Variants in CDC73 observed in about 807,000 individuals in gnomAD.
CDC73 encodes parafibromin.
A neutral mutation model predicts 83.7 loss-of-function variants in CDC73; 21 were observed. That is an observed-to-expected ratio of 0.25 (90% confidence interval 0.18 to 0.36). CDC73 has a LOEUF of 0.36. Among genes scored for constraint, CDC73 ranks in the 10% least tolerant of loss-of-function variants. The probability of loss-of-function intolerance (pLI) is 1.00; values close to 1 mark genes in which losing one functional copy is unlikely to be tolerated. For missense variants in CDC73, 342 were observed against 653.3 expected (o/e 0.52, Z 5.19); for synonymous variants, 224 against 212.9 (o/e 1.05, Z -0.45).
chr1:193,246,821 A>G (rs1434926569), intron 15 of CDC73, among the ~76,000 whole-genome samples: 1 of 152,156 alleles, frequency 6.6e-6, no homozygotes. Context: ...ATGGCCTGCA[A>G]GCCTAACATT....
Position 193,233,149 on chromosome 1 carries a change from A to T in CDC73, c.1311A>T (p.Gln437His). 6.2e-7 allele frequency: 1 copy of T among 1,610,224 alleles called. No homozygotes were observed. The highest frequency in any genetic ancestry group is 8.5e-7 in the Non-Finnish European group (1 of 1,176,702). ...ACCAGCCCCTTAAACTTATGCCTCA[A>T]GACTGGTAAGATAGTCTCTATATAT... is the stretch of plus-strand genomic sequence containing the variant. Reference protein sequence around the residue: ...VVDQPLKLMPQDWDRVVAVFV... With the variant: ...VVDQPLKLMPHDWDRVVAVFV... Residue 437 changes from glutamine to histidine, a missense_variant, in exon 14 of 17, where the codon CAA (glutamine) becomes CAT (histidine). By Grantham distance (24) the Gln-to-His change is conservative (BLOSUM62 0). Around this residue, in one of 3 missense-constraint regions of CDC73, gnomAD observed 239 missense variants for 420.6 expected, o/e 0.57. Transcript: ENST00000367435.
At chr1:193,169,634 T>A (rs1446217983) in intron 10 of CDC73, among the ~76,000 whole-genome samples, 2 of 152,248 alleles carry the variant, frequency 1.3e-5, no homozygotes, top group Non-Finnish European at 2.9e-5. Flanking sequence ...CTTTCCTGTT[T>A]ATCTTATGAG....
rs567173788 is a variant in CDC73 at position 193,177,447 on chromosome 1, G to A, written c.972+25003G>A. Among the ~76,000 whole-genome samples, 276 of 149,364 alleles carry A rather than the reference G, an allele frequency of 1.8e-3. 2 individuals are homozygous for A. The highest frequency in any genetic ancestry group is 6.4e-3 in the African/African-American group (262 of 40,710). ...CGGGAGGCTGAGGCAGGAGAATGGC[G>A]TGAACCCGGGAGGCGGAGCTTGCAG... On this transcript the variant is annotated intron_variant, in intron 10 of 16. Coordinates refer to ENST00000367435, the MANE Select transcript of CDC73 (RefSeq NM_024529.5).
intron 15 of CDC73, among the ~76,000 whole-genome samples, chr1:193,238,997 C>T (rs543496495): frequency 3.3e-5 from 5 of 152,266 alleles, no homozygotes; most frequent in African/African-American, 9.6e-5. Flanking sequence ...CCCTATTTCT[C>T]TTCTCCCATA....
Position 193,212,118 on chromosome 1 carries a change from AT to A in CDC73, c.1066+22del, listed in dbSNP as rs1290976394. 6.4e-7 allele frequency: 1 copy of A among 1,565,562 alleles called. No individual in the cohort carries two copies. Among genetic ancestry groups the A allele is most frequent in the Non-Finnish European group, 8.7e-7 (1 of 1,147,748 alleles). On this transcript the variant is annotated intron_variant, in intron 12 of 16. Transcript: ENST00000367435. ...GAAGAAAGGTGAGGTTGTGCATATG[AT>A]TTTAAACTTAACTTTAAAAAGTAAA...
rs556687284 is a variant in CDC73 at position 193,251,095 on chromosome 1, A to G, written c.*383A>G. On this transcript the variant is annotated 3_prime_UTR_variant, in exon 17 of 17. Transcript: ENST00000367435. ...TATAATTCTTTTTACTGAAAATACT[A>G]TGTTATGAATGGTATTAAATTTTAG... 2.5e-4 allele frequency: 69 copies of G among 274,250 alleles called. No individual in the cohort carries two copies. The highest frequency in any genetic ancestry group is 3.7e-4 in the South Asian group (4 of 10,700). The allele number at this position is 274,250 out of a possible 1,614,324, so 17.0% of individuals were successfully genotyped here. A position where few individuals can be genotyped will look rare whatever the true frequency, so the allele number is the denominator to read the frequency against.
At chr1:193,169,083 A>T (rs1389273953) in intron 10 of CDC73, among the ~76,000 whole-genome samples, 2 of 152,158 alleles carry the variant, frequency 1.3e-5, no homozygotes, top group African/African-American at 2.4e-5. Flanking sequence ...TTAAATTTTT[A>T]TCAGTGGATA....
At chr1:193,250,369 A>T (rs1678025637) in intron 16 of CDC73, among the ~76,000 whole-genome samples, 2 of 152,046 alleles carry the variant, frequency 1.3e-5, no homozygotes. Flanking sequence ...CTATAATCAC[A>T]GTAAATACCA....
chr1:193,212,409 C>G lies in CDC73; in HGVS notation c.1086C>G (p.Ile362Met). 5.0e-6 allele frequency: 8 copies of G among 1,605,144 alleles called. No homozygotes were observed. Among genetic ancestry groups the G allele is most frequent in the Non-Finnish European group, 6.8e-6 (8 of 1,174,198 alleles). Reference sequence around the variant, plus strand: ...TTATAGGATCTCGAACACCCATTATCATAATTCCTGCAGCTACCACCTCTT... The same window carrying G: ...TTATAGGATCTCGAACACCCATTATGATAATTCCTGCAGCTACCACCTCTT... ...NQKKGSRTPI[I>M]IIPAATTSLI... Residue 362 changes from isoleucine to methionine, a missense_variant, in exon 13 of 17, where the codon ATC becomes ATG. Ile to Met is a conservative substitution (Grantham distance 10, BLOSUM62 1). This residue lies in a region of CDC73 where 239 missense variants were observed against 420.6 expected (regional missense o/e 0.57). Coordinates refer to ENST00000367435, the MANE Select transcript of CDC73 (RefSeq NM_024529.5).
At chr1:193,207,943 T>C (rs1258119093) in intron 11 of CDC73, among the ~76,000 whole-genome samples, 1 of 152,232 alleles carries the variant, frequency 6.6e-6, no homozygotes, top group Non-Finnish European at 1.5e-5. Context: ...TTTCCAAATT[T>C]GTTATCTCCA....
chr1:193,247,233 T>C (rs558667254), intron 15 of CDC73, among the ~76,000 whole-genome samples: 1 of 152,276 alleles, frequency 6.6e-6, no homozygotes, highest in African/African-American at 2.4e-5. Flanking sequence ...ACTTTCATTA[T>C]TTTTGTATCT....
chr1:193,240,573 C>T lies in CDC73; in HGVS notation c.1417+4217C>T, dbSNP rs189738332. The stretch of plus-strand genomic sequence containing the variant: ...TAATTGGGGTAAGATGATATTTCAT[C>T]GTGGTTTTGATCTGCACTTCCCTGA... On this transcript the variant is annotated intron_variant, in intron 15 of 16. Transcript: ENST00000367435. Among the ~76,000 whole-genome samples the T allele has an allele frequency of 1.9e-3, 294 of 152,186 alleles. 1 individual carries two copies. The highest frequency in any genetic ancestry group is 6.7e-3 in the African/African-American group (279 of 41,520).
At chr1:193,166,490 A>G in intron 10 of CDC73, among the ~76,000 whole-genome samples, 1 of 152,118 alleles carries the variant, frequency 6.6e-6, no homozygotes, top group Non-Finnish European at 1.5e-5. Context: ...ACAGTGATTT[A>G]AAATGGTTTA....
intron 3 of CDC73, among the ~76,000 whole-genome samples, chr1:193,132,747 A>C (rs1339764225): frequency 2.0e-5 from 3 of 151,898 alleles, no homozygotes; most frequent in Non-Finnish European, 4.4e-5. Context: ...AGAAGATGTG[A>C]TATAAGGTCT....
chr1:193,144,018 G>A (rs1675951183), intron 7 of CDC73, among the ~76,000 whole-genome samples: 1 of 143,470 alleles, frequency 7.0e-6, no homozygotes, highest in Non-Finnish European at 1.5e-5. Flanking sequence ...GCTGAGTGAG[G>A]AGAATTGCTT....
rs571860718 is a variant in CDC73, at chr1:193,191,907, A to G, written c.973-11888A>G. 2.2e-4 allele frequency among the ~76,000 whole-genome samples: 34 copies of G among 152,282 alleles called. 1 individual carries two copies. In the South Asian group the frequency reaches 7.0e-3, roughly 32 times the overall value. On this transcript the variant is annotated intron_variant, in intron 10 of 16. Coordinates refer to ENST00000367435, the MANE Select transcript of CDC73 (RefSeq NM_024529.5). ...ACATCCACTGGGTCAGCACCTTTGA[A>G]TAAATTATTTCAGGCAGCTTACTCT... is the stretch of plus-strand genomic sequence containing the variant.
At chr1:193,220,368 T>TGCCC (rs977005882) in intron 13 of CDC73, among the ~76,000 whole-genome samples, 13 of 151,950 alleles carry the variant, frequency 8.6e-5, no homozygotes, top group Non-Finnish European at 1.9e-4. Flanking sequence ...TTCACCATGT[T>TGCCC]GGTCAGGCTG....
chr1:193,208,674 C>T (rs1398488164), intron 11 of CDC73, among the ~76,000 whole-genome samples: 1 of 152,076 alleles, frequency 6.6e-6, no homozygotes, highest in Non-Finnish European at 1.5e-5. Context: ...TTGCCAGTGT[C>T]ACTTAAATGT....
At chr1:193,185,035 T>G (rs1379778067) in intron 10 of CDC73, among the ~76,000 whole-genome samples, 2 of 152,092 alleles carry the variant, frequency 1.3e-5, no homozygotes, top group Non-Finnish European at 2.9e-5. Flanking sequence ...TTTATTTGGT[T>G]TATCTGTGCC....
Sources: gnomAD v4.1 joint callset for allele counts (sites outside exome capture counted in the v4.1 genomes callset) on GRCh38, gnomAD v4.1.1 for gene constraint, gnomAD v4.1.1 regional missense constraint, MANE v1.5 for transcripts, NCBI Gene and HGNC (gene_info 2026-07-23, HGNC 2026-07-21) for gene names.